Variants in CACNA2D3 observed in about 807,000 individuals in gnomAD.
The protein encoded by CACNA2D3 is calcium voltage-gated channel auxiliary subunit alpha2delta 3.
In CACNA2D3, 60 loss-of-function variants were observed where a neutral mutation model predicts 160.6. That is an observed-to-expected ratio of 0.37 (90% CI 0.30 to 0.46). The LOEUF (loss-of-function observed/expected upper bound fraction) is 0.46, where lower values mean the gene tolerates loss of function less well. Among genes scored for constraint, CACNA2D3 ranks in the 20% least tolerant of loss-of-function variants. The pLI is 1.00. For missense variants in CACNA2D3, 1,205 were observed against 1,365.0 expected (o/e 0.88, Z 1.85); for synonymous variants, 558 against 492.9 (o/e 1.13, Z -1.75).
rs1284419304 is a variant in CACNA2D3 at position 54,122,595 on chromosome 3, A to AGGCGG, written c.-113_-109dup. On this transcript the variant is annotated 5_prime_UTR_variant, in exon 1 of 38. Coordinates refer to ENST00000474759, the MANE Select transcript of CACNA2D3 (RefSeq NM_018398.3). Reference sequence around the variant, plus strand: ...CAAGTGAGCCGGGCGCGCGAGAGGCAGGCGGGGCGGCGCGGAGCGGAGCAG... The same window carrying AGGCGG: ...CAAGTGAGCCGGGCGCGCGAGAGGCAGGCGGGGCGGGGCGGCGCGGAGCGGAGCAG... 2 of 462,168 alleles carry AGGCGG rather than the reference A, an allele frequency of 4.3e-6. No homozygotes were observed. The highest frequency in any genetic ancestry group is 5.5e-6 in the Non-Finnish European group (2 of 365,984). 28.6% of individuals were successfully genotyped at this position (462,168 alleles called of 1,614,324 possible).
chr3:54,823,043 C>G (rs562131086), intron 14 of CACNA2D3, among the ~76,000 whole-genome samples: 29 of 151,822 alleles, frequency 1.9e-4, no homozygotes, highest in African/African-American at 5.8e-4. Flanking sequence ...TTAGTAGAGA[C>G]AGAGTTTCAC....
At chr3:54,455,440 T>G (rs998662879) in intron 4 of CACNA2D3, among the ~76,000 whole-genome samples, 2 of 152,198 alleles carry the variant, frequency 1.3e-5, no homozygotes, top group African/African-American at 2.4e-5. Context: ...ATTATTTGTT[T>G]TTCTAATGTT....
At chr3:54,565,899 C>T (rs936369266) in intron 6 of CACNA2D3, among the ~76,000 whole-genome samples, 12 of 152,198 alleles carry the variant, frequency 7.9e-5, no homozygotes, top group African/African-American at 2.9e-4. Context: ...ACTCCTGTCT[C>T]CTCTACTATA....
At chr3:55,009,511 A>G in intron 34 of CACNA2D3, 68 bp downstream of exon 34, 10 of 1,388,912 alleles carry the variant, frequency 7.2e-6, no homozygotes, top group South Asian at 1.2e-5. Flanking sequence ...GCTACTTTTC[A>G]TCAGGGATGT....
intron 2 of CACNA2D3, among the ~76,000 whole-genome samples, chr3:54,126,477 C>G (rs1699593159): frequency 6.6e-6 from 1 of 152,166 alleles, no homozygotes; most frequent in Admixed American, 6.5e-5. Flanking sequence ...ATGGGTTTTG[C>G]CGCTTTAGCC....
rs1051214791 is a variant in CACNA2D3, at chr3:55,016,770, G to A, written c.2876-1436G>A. 6.6e-5 allele frequency among the ~76,000 whole-genome samples: 10 copies of A among 152,250 alleles called. 1 individual carries two copies. Among genetic ancestry groups the A allele is most frequent in the South Asian group, 6.2e-4 (3 of 4,824 alleles). The stretch of plus-strand genomic sequence containing the variant: ...ACTTCCTTTTGTTTTAAATAACAAA[G>A]ATTACAATGCATTGTGCTCCAACCC... On this transcript the variant is annotated intron_variant, in intron 34 of 37. Coordinates refer to ENST00000474759, the MANE Select transcript of CACNA2D3 (RefSeq NM_018398.3).
At chr3:54,472,661 T>G (rs1296472761) in intron 4 of CACNA2D3, among the ~76,000 whole-genome samples, 1 of 152,212 alleles carries the variant, frequency 6.6e-6, no homozygotes, top group Admixed American at 6.5e-5. Flanking sequence ...CAAAATCTCC[T>G]TAAGCTGATA....
At chr3:54,517,732 T>C (rs6805936) in intron 5 of CACNA2D3, among the ~76,000 whole-genome samples, 143,938 of 152,194 alleles carry the variant, frequency 0.95, 68,261 homozygotes, top group Middle Eastern at 0.99. Context: ...GGCATCCAGG[T>C]GTCAGCTCAC....
intron 16 of CACNA2D3, among the ~76,000 whole-genome samples, chr3:54,839,558 C>A (rs1035704254): frequency 1.3e-5 from 2 of 152,214 alleles, no homozygotes; most frequent in Non-Finnish European, 2.9e-5. Context: ...ACCAAGCTGA[C>A]TGGCTAGCTG....
At chr3:54,641,042 G>GAA (rs199499230) in intron 10 of CACNA2D3, among the ~76,000 whole-genome samples, 38 of 132,814 alleles carry the variant, frequency 2.9e-4, no homozygotes, top group African/African-American at 8.8e-4. Flanking sequence ...GGATCTATTG[G>GAA]AAAAAAAAAA....
chr3:54,651,011 A>C (rs1345832226), intron 11 of CACNA2D3, among the ~76,000 whole-genome samples: 1 of 152,224 alleles, frequency 6.6e-6, no homozygotes, highest in Non-Finnish European at 1.5e-5. Flanking sequence ...TACATTCAGG[A>C]TTCCCTGACT....
chr3:55,064,848 G>C (rs926819359), intron 35 of CACNA2D3, among the ~76,000 whole-genome samples: 1 of 152,126 alleles, frequency 6.6e-6, no homozygotes, highest in African/African-American at 2.4e-5. Flanking sequence ...ACTGCATAGA[G>C]GGTAACACCA....
At chr3:54,715,824 C>T (rs746512719) in intron 11 of CACNA2D3, among the ~76,000 whole-genome samples, 3 of 152,160 alleles carry the variant, frequency 2.0e-5, no homozygotes, top group Non-Finnish European at 4.4e-5. Flanking sequence ...ACTTGGAGGA[C>T]ATTATGCTAA....
chr3:54,738,401 C>T (rs1160131344), intron 11 of CACNA2D3, among the ~76,000 whole-genome samples: 2 of 152,180 alleles, frequency 1.3e-5, no homozygotes, highest in African/African-American at 2.4e-5. Context: ...TGGCTTTGAT[C>T]AGTCCCTAGT....
Position 54,517,356 on chromosome 3 carries a change from A to C in CACNA2D3, c.544+13702A>C, listed in dbSNP as rs533936298. Among the ~76,000 whole-genome samples the C allele has an allele frequency of 1.2e-4, 19 of 152,336 alleles. 1 individual carries two copies. In the East Asian group the frequency reaches 3.7e-3, roughly 29 times the overall value. Reference sequence around the variant, plus strand: ...GTAGCCATGGCTAGTTCTTAATGACAGTTTCTGCAGCACAGGCTGACCTCA... The same window carrying C: ...GTAGCCATGGCTAGTTCTTAATGACCGTTTCTGCAGCACAGGCTGACCTCA... On this transcript the variant is annotated intron_variant, in intron 5 of 37. Coordinates refer to ENST00000474759, the MANE Select transcript of CACNA2D3 (RefSeq NM_018398.3).
chr3:54,520,453 C>G (rs750989103), intron 5 of CACNA2D3, among the ~76,000 whole-genome samples: 29 of 152,120 alleles, frequency 1.9e-4, no homozygotes, highest in African/African-American at 6.8e-4. Flanking sequence ...TGACTCAGTC[C>G]GTGGACAGCA....
At chr3:54,284,436 A>G (rs1355745222) in intron 2 of CACNA2D3, among the ~76,000 whole-genome samples, 2 of 152,034 alleles carry the variant, frequency 1.3e-5, no homozygotes, top group Non-Finnish European at 2.9e-5. Flanking sequence ...CAAATATACC[A>G]CAATAACATA....
intron 11 of CACNA2D3, among the ~76,000 whole-genome samples, chr3:54,717,518 G>T (rs550175423): frequency 2.0e-5 from 3 of 151,460 alleles, no homozygotes; most frequent in African/African-American, 7.3e-5. Flanking sequence ...GTATGCGTGT[G>T]TGTGTGTGGT....
chr3:54,778,785 A>G (rs1444870420), intron 13 of CACNA2D3, among the ~76,000 whole-genome samples: 1 of 152,192 alleles, frequency 6.6e-6, no homozygotes, highest in Non-Finnish European at 1.5e-5. Context: ...TGCGTTTTCT[A>G]GCTGTTAGAT....
Sources: allele counts gnomAD v4.1 joint callset (sites outside exome capture counted in the v4.1 genomes callset), GRCh38; gene constraint gnomAD v4.1.1; transcripts MANE v1.5; gene names NCBI Gene and HGNC (gene_info 2026-07-23, HGNC 2026-07-21).